Variants in SH3GL2 observed in about 807,000 individuals in gnomAD.
The protein encoded by SH3GL2 is SH3 domain containing GRB2 like 2, endophilin A1.
A neutral mutation model predicts 46.0 loss-of-function variants in SH3GL2; 24 were observed. That is an observed-to-expected ratio of 0.52 (90% confidence interval 0.38 to 0.73). The LOEUF (loss-of-function observed/expected upper bound fraction) is 0.73. SH3GL2 is among the 30% of genes least tolerant of loss of function. SH3GL2 has a pLI of 0.00. For missense variants in SH3GL2, 413 were observed against 424.2 expected, an observed-to-expected ratio of 0.97 and a Z score of 0.23; for synonymous variants, 196 against 147.1, an observed-to-expected ratio of 1.33 and a Z score of -2.40.
intron 1 of SH3GL2, among the ~76,000 whole-genome samples, chr9:17,596,745 A>T (rs949381640): frequency 6.6e-6 from 1 of 152,230 alleles, no homozygotes; most frequent in Non-Finnish European, 1.5e-5. Flanking sequence ...GTAAAATAAT[A>T]TATTCTTCTC....
chr9:17,761,285 G>A, intron 2 of SH3GL2, 152 bp from the exon 3 acceptor site: 1 of 640,756 alleles, frequency 1.6e-6, no homozygotes, highest in Non-Finnish European at 2.8e-6. Context: ...GTGTCAGCAT[G>A]ACTTCCAGCC....
intron 1 of SH3GL2, 28 bp downstream of exon 1, chr9:17,579,315 G>A (rs911682310): frequency 2.0e-6 from 3 of 1,508,014 alleles, no homozygotes; most frequent in East Asian, 2.8e-5. Flanking sequence ...TGCGTCCCGG[G>A]GCAGTCCGGG....
intron 3 of SH3GL2, among the ~76,000 whole-genome samples, chr9:17,779,785 A>T (rs9407870): frequency 0.12 from 17,627 of 152,126 alleles, 1,137 homozygotes; most frequent in Admixed American, 0.15. Flanking sequence ...CCCCACCACC[A>T]TCCTTTGAGC....
At chr9:17,685,583 C>T (rs1588238161) in intron 1 of SH3GL2, among the ~76,000 whole-genome samples, 1 of 152,070 alleles carries the variant, frequency 6.6e-6, no homozygotes, top group East Asian at 1.9e-4. Flanking sequence ...GGTTTTAGGT[C>T]TAACGTTTAA....
At chr9:17,668,075 T>A (rs1379530676) in intron 1 of SH3GL2, among the ~76,000 whole-genome samples, 1 of 152,112 alleles carries the variant, frequency 6.6e-6, no homozygotes, top group African/African-American at 2.4e-5. Flanking sequence ...TTTTCTCCCA[T>A]TCTATGGGTT....
At position 17,774,058 on chromosome 9, in the gene SH3GL2, A is replaced by G. The variant is rs182587560; in HGVS notation, c.188-12323A>G. The stretch of plus-strand genomic sequence containing the variant: ...TGAGTATTTTATTCTTTTTGATACT[A>G]TTGTAAATGGAATTAACCTTTTAAT... On this transcript the variant is annotated intron_variant, in intron 3 of 8. Coordinates refer to ENST00000380607, the MANE Select transcript of SH3GL2 (RefSeq NM_003026.5). Among the ~76,000 whole-genome samples the G allele has an allele frequency of 8.1e-4, 123 of 152,200 alleles. 1 individual carries two copies. Among genetic ancestry groups the G allele is most frequent in the African/African-American group, 2.6e-3 (106 of 41,560 alleles).
intron 1 of SH3GL2, among the ~76,000 whole-genome samples, chr9:17,606,685 C>G (rs1818766829): frequency 6.6e-6 from 1 of 152,188 alleles, no homozygotes; most frequent in Non-Finnish European, 1.5e-5. Flanking sequence ...TATCCTTTAA[C>G]TACCTGAGCT....
At chr9:17,789,602 T>G (rs1489295304) in intron 6 of SH3GL2, 52 bp downstream of exon 6, 1 of 1,605,900 alleles carries the variant, frequency 6.2e-7, no homozygotes, top group Non-Finnish European at 8.5e-7. Flanking sequence ...GGCACAACAT[T>G]AATATGTTAA....
At chr9:17,679,186 G>T (rs1820697770) in intron 1 of SH3GL2, among the ~76,000 whole-genome samples, 4 of 152,152 alleles carry the variant, frequency 2.6e-5, no homozygotes, top group Non-Finnish European at 5.9e-5. Context: ...TTGGTAGCTT[G>T]ATGGGGATGG....
intron 1 of SH3GL2, among the ~76,000 whole-genome samples, chr9:17,720,613 C>T (rs1035573603): frequency 6.6e-6 from 1 of 152,052 alleles, no homozygotes; most frequent in Non-Finnish European, 1.5e-5. Flanking sequence ...AGTTAGGTTA[C>T]AGTTCACTAC....
chr9:17,609,868 C>A (rs550268161), intron 1 of SH3GL2, among the ~76,000 whole-genome samples: 23 of 152,294 alleles, frequency 1.5e-4, no homozygotes, highest in Non-Finnish European at 2.6e-4. Flanking sequence ...GAAGCCACAG[C>A]AAGACACACC....
intron 3 of SH3GL2, among the ~76,000 whole-genome samples, chr9:17,785,070 A>G (rs1823914691): frequency 6.6e-6 from 1 of 152,192 alleles, no homozygotes; most frequent in Non-Finnish European, 1.5e-5. Context: ...AAAGCAAATA[A>G]GAAATGAATT....
At position 17,610,151 on chromosome 9, in the gene SH3GL2, T is replaced by C. The variant is rs115872848; in HGVS notation, c.45+30864T>C. Among the ~76,000 whole-genome samples, 604 of 152,324 alleles carry C rather than the reference T, an allele frequency of 4.0e-3. 1 individual carries two copies. Among genetic ancestry groups the C allele is most frequent in the African/African-American group, 0.014 (563 of 41,578 alleles). ...GTGCAACTGTGGGCAAGTTCCATCT[T>C]CTCCAAAGTTAGCTTCCTCAGGGTA... On this transcript the variant is annotated intron_variant, in intron 1 of 8. Coordinates refer to ENST00000380607, the MANE Select transcript of SH3GL2 (RefSeq NM_003026.5).
chr9:17,785,063 G>A (rs911972675), intron 3 of SH3GL2, among the ~76,000 whole-genome samples: 7 of 152,158 alleles, frequency 4.6e-5, no homozygotes, highest in Admixed American at 3.3e-4. Flanking sequence ...ATATGAAAAA[G>A]CAAATAAGAA....
chr9:17,678,867 A>G (rs1820687681), intron 1 of SH3GL2, among the ~76,000 whole-genome samples: 1 of 152,116 alleles, frequency 6.6e-6, no homozygotes, highest in Non-Finnish European at 1.5e-5. Context: ...CAGTTTTCCC[A>G]GCACCATTTA....
chr9:17,718,589 A>G (rs534984152), intron 1 of SH3GL2, among the ~76,000 whole-genome samples: 6 of 152,250 alleles, frequency 3.9e-5, no homozygotes, highest in East Asian at 1.9e-4. Flanking sequence ...TTAGCTGGGC[A>G]TGGTGGCACA....
intron 1 of SH3GL2, among the ~76,000 whole-genome samples, chr9:17,594,428 C>T (rs975999828): frequency 2.0e-5 from 3 of 150,796 alleles, no homozygotes; most frequent in African/African-American, 4.9e-5. Context: ...GTTAAATGTC[C>T]TTCCATGTGC....
chr9:17,695,906 G>C (rs1821192182), intron 1 of SH3GL2, among the ~76,000 whole-genome samples: 3 of 152,112 alleles, frequency 2.0e-5, no homozygotes, highest in South Asian at 2.1e-4. Flanking sequence ...GTAAGTCATA[G>C]AGGCCTTTTT....
At chr9:17,602,011 C>G (rs1378674350) in intron 1 of SH3GL2, among the ~76,000 whole-genome samples, 1 of 152,160 alleles carries the variant, frequency 6.6e-6, no homozygotes, top group Non-Finnish European at 1.5e-5. Context: ...TTGCAGAAAG[C>G]CTTCTGGTTG....
Sources: allele counts gnomAD v4.1 joint callset (sites outside exome capture counted in the v4.1 genomes callset), GRCh38; gene constraint gnomAD v4.1.1; transcripts MANE v1.5; gene names NCBI Gene and HGNC (gene_info 2026-07-23, HGNC 2026-07-21).